The following ZMAT4 variants were observed in gnomAD, a reference collection of about 807,000 sequenced individuals.
ZMAT4 encodes the protein zinc finger matrin-type protein 4.
Under a neutral mutation model 28.7 loss-of-function variants are expected in ZMAT4, and 17 were observed. That is an observed-to-expected ratio of 0.59 (90% CI 0.41 to 0.89). ZMAT4 has a LOEUF of 0.89. ZMAT4 is among the 40% of genes least tolerant of loss of function. The pLI, the probability that ZMAT4 is intolerant of heterozygous loss-of-function variation, is 0.00. For synonymous variants in ZMAT4, 117 were observed against 109.2 expected, an observed-to-expected ratio of 1.07 and a Z score of -0.44; for missense variants, 240 against 283.8, an observed-to-expected ratio of 0.85 and a Z score of 1.11.
chr8:40,725,778 G>GA (rs1372945473), intron 3 of ZMAT4, among the ~76,000 whole-genome samples: 2 of 151,626 alleles, frequency 1.3e-5, no homozygotes, highest in South Asian at 2.1e-4. Flanking sequence ...TCAAAAAAAA[G>GA]AAAAAAAGAA....
intron 1 of ZMAT4, among the ~76,000 whole-genome samples, chr8:40,864,218 C>A (rs1817599826): frequency 6.6e-6 from 1 of 152,210 alleles, no homozygotes; most frequent in South Asian, 2.1e-4. Context: ...TCTGCCTGAG[C>A]CACGAAAATC....
intron 2 of ZMAT4, among the ~76,000 whole-genome samples, chr8:40,806,440 A>G (rs1470173635): frequency 6.6e-6 from 1 of 152,226 alleles, no homozygotes; most frequent in Non-Finnish European, 1.5e-5. Flanking sequence ...AATGCTTCCT[A>G]AAGTTTGGCT....
At chr8:40,730,836 T>C (rs1262177083) in intron 3 of ZMAT4, among the ~76,000 whole-genome samples, 3 of 152,224 alleles carry the variant, frequency 2.0e-5, no homozygotes, top group Non-Finnish European at 4.4e-5. Context: ...CTCTATCTAA[T>C]GTAACTGTTT....
intron 5 of ZMAT4, among the ~76,000 whole-genome samples, chr8:40,620,940 C>G (rs540665544): frequency 6.6e-6 from 1 of 152,302 alleles, no homozygotes; most frequent in Admixed American, 6.5e-5. Context: ...TTATTCATTT[C>G]CAATGCATCT....
chr8:40,853,089 A>G (rs1817169930), intron 1 of ZMAT4, among the ~76,000 whole-genome samples: 1 of 152,156 alleles, frequency 6.6e-6, no homozygotes, highest in Non-Finnish European at 1.5e-5. Flanking sequence ...GGTAAAAATG[A>G]CATCCCATGA....
At chr8:40,892,945 C>T (rs944241418) in intron 1 of ZMAT4, among the ~76,000 whole-genome samples, 2 of 152,238 alleles carry the variant, frequency 1.3e-5, no homozygotes, top group Non-Finnish European at 2.9e-5. Flanking sequence ...AAAGCCCCTG[C>T]TTATCCGTTT....
intron 5 of ZMAT4, among the ~76,000 whole-genome samples, chr8:40,623,319 C>A (rs118095003): frequency 1.3e-5 from 2 of 152,164 alleles, no homozygotes; most frequent in African/African-American, 4.8e-5. Flanking sequence ...ATTCTGGAGC[C>A]TACTCTAGGC....
chr8:40,548,918 G>A (rs1007649395), intron 6 of ZMAT4, among the ~76,000 whole-genome samples: 2 of 152,158 alleles, frequency 1.3e-5, no homozygotes, highest in African/African-American at 4.8e-5. Flanking sequence ...CAAGATTCAA[G>A]AGAAGCAAGC....
At chr8:40,642,078 C>T (rs1440683425) in intron 5 of ZMAT4, among the ~76,000 whole-genome samples, 1 of 151,876 alleles carries the variant, frequency 6.6e-6, no homozygotes, top group Non-Finnish European at 1.5e-5. Flanking sequence ...TCAAATTTAC[C>T]AAATAAAAAT....
intron 3 of ZMAT4, among the ~76,000 whole-genome samples, chr8:40,711,942 T>C (rs1408067044): frequency 6.6e-6 from 1 of 152,186 alleles, no homozygotes; most frequent in Non-Finnish European, 1.5e-5. Flanking sequence ...TTTTCTAAAT[T>C]TTGTATGTGG....
At chr8:40,571,586 G>A (rs1200120093) in intron 6 of ZMAT4, among the ~76,000 whole-genome samples, 2 of 152,130 alleles carry the variant, frequency 1.3e-5, no homozygotes, top group Non-Finnish European at 2.9e-5. Context: ...TCACAGTGAT[G>A]CTGATTATCC....
At chr8:40,862,354 G>A (rs1817524663) in intron 1 of ZMAT4, among the ~76,000 whole-genome samples, 1 of 146,010 alleles carries the variant, frequency 6.8e-6, no homozygotes, top group Non-Finnish European at 1.5e-5. Context: ...CTCACTCATA[G>A]GTGGGAACTG....
chr8:40,562,620 A>G (rs1230043036), intron 6 of ZMAT4, among the ~76,000 whole-genome samples: 1 of 152,010 alleles, frequency 6.6e-6, no homozygotes, highest in Non-Finnish European at 1.5e-5. Context: ...CACACTGGTA[A>G]GGAACTCCCC....
At chr8:40,595,944 C>T (rs1288815878) in intron 5 of ZMAT4, among the ~76,000 whole-genome samples, 1 of 151,906 alleles carries the variant, frequency 6.6e-6, no homozygotes, top group Non-Finnish European at 1.5e-5. Context: ...ATTAGCCAGG[C>T]ATGGTGGTGG....
At position 40,825,533 on chromosome 8, in the gene ZMAT4, C is replaced by T. The variant is rs531577058; in HGVS notation, c.102+42G>A. Reference sequence around the variant, plus strand: ...TCCTACAACAATGACCCGGGCTGCTCCCTCCTACATTTGCAAACAGAGTGG... The same window carrying T: ...TCCTACAACAATGACCCGGGCTGCTTCCTCCTACATTTGCAAACAGAGTGG... On this transcript the variant is annotated intron_variant, in intron 2 of 6. Transcript: ENST00000297737. 5 of 1,516,192 alleles carry T rather than the reference C, an allele frequency of 3.3e-6. No individual in the cohort carries two copies. In the Admixed American group the frequency reaches 9.9e-5, roughly 30 times the overall value. The allele number at this position is 1,516,192 out of a possible 1,614,324, so 93.9% of individuals were successfully genotyped here.
chr8:40,614,393 T>C (rs1223810254), intron 5 of ZMAT4, among the ~76,000 whole-genome samples: 2 of 152,230 alleles, frequency 1.3e-5, no homozygotes, highest in African/African-American at 4.8e-5. Context: ...CAGAAGAATG[T>C]ATATTCTGTT....
At chr8:40,568,512 G>A (rs922794849) in intron 6 of ZMAT4, among the ~76,000 whole-genome samples, 4 of 152,066 alleles carry the variant, frequency 2.6e-5, no homozygotes, top group African/African-American at 4.8e-5. Flanking sequence ...AGCCATGCAA[G>A]GAAAAATTCT....
chr8:40,793,670 A>G (rs1814460525), intron 2 of ZMAT4, among the ~76,000 whole-genome samples: 1 of 152,206 alleles, frequency 6.6e-6, no homozygotes, highest in African/African-American at 2.4e-5. Context: ...CATGACAAGT[A>G]ATGTCCCCAA....
chr8:40,536,778 G>C (rs1192502436), intron 6 of ZMAT4, among the ~76,000 whole-genome samples: 1 of 152,054 alleles, frequency 6.6e-6, no homozygotes. Flanking sequence ...CAACCACCTG[G>C]GAGTGGAGAA....
Sources: allele counts gnomAD v4.1 joint callset (sites outside exome capture counted in the v4.1 genomes callset), GRCh38; gene constraint gnomAD v4.1.1; transcripts MANE v1.5; gene names NCBI Gene and HGNC (gene_info 2026-07-23, HGNC 2026-07-21).